Variants in SPOCK1 observed in about 807,000 individuals in gnomAD.
The protein encoded by SPOCK1 is testican-1.
Under a neutral mutation model 55.3 loss-of-function variants are expected in SPOCK1, and 23 were observed. The ratio of observed to expected loss-of-function variants is 0.42; its 90% CI spans 0.30 to 0.59. The LOEUF (loss-of-function observed/expected upper bound fraction) is 0.59, where lower values mean the gene tolerates loss of function less well. Ranked by LOEUF, SPOCK1 falls within the 20% of genes least tolerant of loss-of-function variation. SPOCK1 has a pLI of 0.22. For synonymous variants in SPOCK1, 226 were observed against 221.0 expected (o/e 1.02, Z -0.20); for missense variants, 499 against 552.5 (o/e 0.90, Z 0.97).
intron 2 of SPOCK1, among the ~76,000 whole-genome samples, chr5:137,409,502 G>A (rs1752166992): frequency 6.6e-6 from 1 of 152,198 alleles, no homozygotes; most frequent in Admixed American, 6.5e-5. Flanking sequence ...TCTCAAATCT[G>A]CCATGTGCTA....
chr5:137,381,292 A>G (rs1474760711), intron 2 of SPOCK1, among the ~76,000 whole-genome samples: 1 of 152,158 alleles, frequency 6.6e-6, no homozygotes, highest in African/African-American at 2.4e-5. Flanking sequence ...TGACTTTTCC[A>G]GGAGCAAAGT....
At chr5:137,311,349 G>C (rs1580860632) in intron 2 of SPOCK1, among the ~76,000 whole-genome samples, 2 of 152,290 alleles carry the variant, frequency 1.3e-5, no homozygotes, top group East Asian at 3.9e-4. Flanking sequence ...GTCTGTTCCT[G>C]AGCCACCATG....
intron 2 of SPOCK1, among the ~76,000 whole-genome samples, chr5:137,352,518 G>T (rs1349787665): frequency 6.6e-6 from 1 of 152,172 alleles, no homozygotes. Context: ...GCATATGACT[G>T]TCCTTCCCTG....
At chr5:137,059,453 A>T (rs1466383614) in intron 6 of SPOCK1, among the ~76,000 whole-genome samples, 2 of 152,272 alleles carry the variant, frequency 1.3e-5, no homozygotes, top group Admixed American at 1.3e-4. Flanking sequence ...AACTGGGATG[A>T]TGGATTAAAG....
intron 6 of SPOCK1, among the ~76,000 whole-genome samples, chr5:137,031,670 A>G (rs1292651658): frequency 6.6e-6 from 1 of 152,188 alleles, no homozygotes; most frequent in Non-Finnish European, 1.5e-5. Flanking sequence ...AATACAAAAC[A>G]CTCACAGCCT....
chr5:137,035,681 A>T (rs1377318726), intron 6 of SPOCK1, among the ~76,000 whole-genome samples: 1 of 152,116 alleles, frequency 6.6e-6, no homozygotes, highest in African/African-American at 2.4e-5. Context: ...TTGTCACAAG[A>T]ATGAATCATA....
chr5:137,411,476 T>C (rs889230123), intron 2 of SPOCK1, among the ~76,000 whole-genome samples: 1 of 152,110 alleles, frequency 6.6e-6, no homozygotes, highest in African/African-American at 2.4e-5. Context: ...CACTCTGAAG[T>C]TAACAAGGAG....
intron 2 of SPOCK1, among the ~76,000 whole-genome samples, chr5:137,441,570 G>T (rs1479259201): frequency 6.6e-6 from 1 of 152,210 alleles, no homozygotes; most frequent in Non-Finnish European, 1.5e-5. Context: ...TGGCATGTAG[G>T]AAGGGAATGG....
At chr5:137,189,734 G>C in intron 3 of SPOCK1, among the ~76,000 whole-genome samples, 1 of 152,126 alleles carries the variant, frequency 6.6e-6, no homozygotes, top group Non-Finnish European at 1.5e-5. Flanking sequence ...TATTTCATAA[G>C]GCTATAGTTA....
chr5:137,283,292 C>T (rs1223969638), intron 2 of SPOCK1, among the ~76,000 whole-genome samples: 1 of 152,196 alleles, frequency 6.6e-6, no homozygotes, highest in Non-Finnish European at 1.5e-5. Context: ...TCCTCAGCTC[C>T]CAGTTCACTC....
intron 2 of SPOCK1, among the ~76,000 whole-genome samples, chr5:137,376,725 G>A (rs1751326934): frequency 6.6e-6 from 1 of 151,834 alleles, no homozygotes; most frequent in African/African-American, 2.4e-5. Context: ...TTCTCTTCAT[G>A]CCAGTTTCTT....
rs1269385833 is a variant in SPOCK1 at position 136,977,571 on chromosome 5, A to G, written c.*1083T>C. On this transcript the variant is annotated 3_prime_UTR_variant, in exon 11 of 11. Coordinates refer to ENST00000394945, the MANE Select transcript of SPOCK1 (RefSeq NM_004598.4). ...CTCAGAGAACAGGAGATATGTGTGC[A>G]TGCCTTAGAAAAAGCCCTTGAGTAG... The G allele has an allele frequency of 5.2e-6, 2 of 382,572 alleles. No homozygotes were observed. The highest frequency in any genetic ancestry group is 9.2e-6 in the Non-Finnish European group (2 of 216,420). 23.7% of individuals were successfully genotyped at this position (382,572 alleles called of 1,614,324 possible).
intron 2 of SPOCK1, among the ~76,000 whole-genome samples, chr5:137,420,224 C>T (rs1307865516): frequency 6.6e-6 from 1 of 152,156 alleles, no homozygotes; most frequent in Admixed American, 6.6e-5. Context: ...ATTTTTGCAT[C>T]AATGTTCATC....
At chr5:137,070,642 C>A (rs1281793815) in intron 5 of SPOCK1, among the ~76,000 whole-genome samples, 1 of 152,194 alleles carries the variant, frequency 6.6e-6, no homozygotes. Context: ...CATCCTTTAC[C>A]CATGTCTACT....
chr5:136,979,912 C>T (rs1417971912), intron 9 of SPOCK1, among the ~76,000 whole-genome samples: 1 of 152,184 alleles, frequency 6.6e-6, no homozygotes, highest in African/African-American at 2.4e-5. Context: ...ATTACCAATA[C>T]TTTGCCCAAC....
intron 3 of SPOCK1, among the ~76,000 whole-genome samples, chr5:137,197,813 T>A (rs1282011717): frequency 6.6e-6 from 1 of 152,224 alleles, no homozygotes; most frequent in African/African-American, 2.4e-5. Context: ...TAAATGGCTA[T>A]GATAGTATTT....
intron 2 of SPOCK1, among the ~76,000 whole-genome samples, chr5:137,408,454 G>T (rs1016023366): frequency 1.3e-5 from 2 of 152,170 alleles, no homozygotes; most frequent in Non-Finnish European, 2.9e-5. Flanking sequence ...TTCCTGCCTT[G>T]CCAGTGCCAC....
At chr5:137,383,227 T>C (rs1045887026) in intron 2 of SPOCK1, among the ~76,000 whole-genome samples, 3 of 152,292 alleles carry the variant, frequency 2.0e-5, no homozygotes, top group South Asian at 4.1e-4. Context: ...TACTTAAGTT[T>C]AAGAAAATCA....
chr5:137,087,540 C>T lies in SPOCK1; in HGVS notation c.475-19711G>A, dbSNP rs904357300. On this transcript the variant is annotated intron_variant, in intron 5 of 10. Coordinates refer to ENST00000394945, the MANE Select transcript of SPOCK1 (RefSeq NM_004598.4). ...TTCTTCACTAAAAGAGCTACCTCCA[C>T]GAGGTCTCTCACTCTCAAAAATCCT... Among the ~76,000 whole-genome samples, 6 of 152,348 alleles carry T rather than the reference C, an allele frequency of 3.9e-5. No individual in the cohort carries two copies. In the East Asian group the frequency reaches 9.6e-4, roughly 24 times the overall value.
Sources: allele counts gnomAD v4.1 joint callset (sites outside exome capture counted in the v4.1 genomes callset), GRCh38; gene constraint gnomAD v4.1.1; transcripts MANE v1.5; gene names NCBI Gene and HGNC (gene_info 2026-07-23, HGNC 2026-07-21).